BID: variants seen among roughly 807,000 people sequenced by gnomAD.
BID encodes BH3 interacting domain death agonist, also known as BH3-interacting domain death agonist.
In BID, 19 loss-of-function variants were observed where a neutral mutation model predicts 17.4. The observed-to-expected ratio is 1.09, with a 90% CI of 0.76 to 1.60. The LOEUF (loss-of-function observed/expected upper bound fraction) is 1.60, where lower values mean the gene tolerates loss of function less well. Among genes scored for constraint, BID ranks in the 40% most tolerant of loss-of-function variants. The pLI is 0.00. For synonymous variants in BID, 108 were observed against 102.8 expected, an observed-to-expected ratio of 1.05 and a Z score of -0.31; for missense variants, 226 against 256.0, an observed-to-expected ratio of 0.88 and a Z score of 0.80.
At position 17,741,977 on chromosome 22, in the gene BID, T is replaced by C. The variant is rs1426164075; in HGVS notation, c.223+1826A>G. 8.5e-5 allele frequency among the ~76,000 whole-genome samples: 13 copies of C among 152,280 alleles called. No homozygotes were observed. In the East Asian group the frequency reaches 2.5e-3, roughly 29 times the overall value. ...ACTCCCCCAGCACCGAATCTGTGCCTCGCTCGTTCCCGAAGCTTATCCACC... is the reference window on the plus strand; with the variant it reads ...ACTCCCCCAGCACCGAATCTGTGCCCCGCTCGTTCCCGAAGCTTATCCACC... On this transcript the variant is annotated intron_variant, in intron 3 of 5. Coordinates refer to ENST00000622694, the MANE Select transcript of BID (RefSeq NM_001196.4).
At chr22:17,765,595 T>C (rs1185338023) in intron 1 of BID, among the ~76,000 whole-genome samples, 1 of 152,188 alleles carries the variant, frequency 6.6e-6, no homozygotes, top group African/African-American at 2.4e-5. Context: ...GTAACAGTAA[T>C]ATTAGCTGAT....
rs192045024 is a variant in BID, at chr22:17,737,353, C to T, written c.576+664G>A. ...TGACTACTCGTTTTGGTTCACATTACACCTTTTTTTTGAGATGGAGTCTTG... is the reference window on the plus strand; with the variant it reads ...TGACTACTCGTTTTGGTTCACATTATACCTTTTTTTTGAGATGGAGTCTTG... On this transcript the variant is annotated intron_variant, in intron 5 of 5. Coordinates refer to ENST00000622694, the MANE Select transcript of BID (RefSeq NM_001196.4). 1.0e-3 allele frequency among the ~76,000 whole-genome samples: 158 copies of T among 152,144 alleles called. 1 individual carries two copies. The highest frequency in any genetic ancestry group is 3.4e-3 in the Middle Eastern group (1 of 294).
Position 17,750,163 on chromosome 22 carries a change from C to A in BID, c.-47G>T, listed in dbSNP as rs755248452. 9 of 1,612,918 alleles carry A rather than the reference C, an allele frequency of 5.6e-6. No individual in the cohort carries two copies. In the South Asian group the frequency reaches 9.9e-5, roughly 18 times the overall value. ...CCGACTCACTCCTGGTTCACAGTGT[C>A]CCAGTGGCGACCTGGAAAGGGACAC... On this transcript the variant is annotated 5_prime_UTR_variant, in exon 2 of 6. Coordinates refer to ENST00000622694, the MANE Select transcript of BID (RefSeq NM_001196.4).
At chr22:17,763,820 G>A (rs962753429) in intron 1 of BID, among the ~76,000 whole-genome samples, 7 of 150,724 alleles carry the variant, frequency 4.6e-5, no homozygotes, top group Admixed American at 1.3e-4. Flanking sequence ...TGTATCAGAT[G>A]TCAGTTATGG....
At chr22:17,750,238 G>A (rs2061527599) in intron 1 of BID, 64 bp from the exon 2 acceptor site, 11 of 1,393,304 alleles carry the variant, frequency 7.9e-6, no homozygotes, top group Non-Finnish European at 1.1e-5. Context: ...CCCCTCGGGA[G>A]GACGACGAAG....
chr22:17,740,200 G>C, intron 3 of BID: 1 of 1,603,676 alleles, frequency 6.2e-7, no homozygotes, highest in Non-Finnish European at 8.5e-7. Context: ...AGCTCCCTAA[G>C]GGCTGTGATT....
intron 1 of BID, among the ~76,000 whole-genome samples, chr22:17,756,313 G>A (rs1415163504): frequency 2.6e-5 from 4 of 152,208 alleles, no homozygotes; most frequent in Non-Finnish European, 4.4e-5. Context: ...ACAAACTGAC[G>A]CAAAACTGGG....
At position 17,773,782 on chromosome 22, in the gene BID, T is replaced by C; in HGVS notation, c.-59+599A>G. ...CTCTCCCAGGGTCCCCTGGGGTCAT[T>C]CAGCCACTCAACAGTTTCCCAGCAG... On this transcript the variant is annotated intron_variant, in intron 1 of 5. Coordinates refer to ENST00000622694, the MANE Select transcript of BID (RefSeq NM_001196.4). This position sits in a 1 kb window ranked among gnomAD's most constrained non-coding sequence, Gnocchi z 4.4. 8.4e-7 allele frequency: 1 copy of C among 1,191,222 alleles called. No individual in the cohort carries two copies. The highest frequency in any genetic ancestry group is 1.3e-5 in the South Asian group (1 of 77,580). 73.8% of individuals were successfully genotyped at this position (1,191,222 alleles called of 1,614,324 possible). A position where few individuals can be genotyped will look rare whatever the true frequency, so the allele number is the denominator to read the frequency against.
chr22:17,743,061 A>G (rs1417213088), intron 3 of BID, among the ~76,000 whole-genome samples: 1 of 152,272 alleles, frequency 6.6e-6, no homozygotes, highest in Non-Finnish European at 1.5e-5. Flanking sequence ...CCCAGTGGTA[A>G]CATGGCCACA....
chr22:17,745,555 C>T (rs943724484), intron 2 of BID, among the ~76,000 whole-genome samples: 4 of 151,872 alleles, frequency 2.6e-5, no homozygotes, highest in African/African-American at 7.3e-5. Context: ...GAGACTGAGG[C>T]GGGAAGGTCA....
chr22:17,766,235 T>C (rs1353428781), intron 1 of BID, among the ~76,000 whole-genome samples: 1 of 152,000 alleles, frequency 6.6e-6, no homozygotes, highest in African/African-American at 2.4e-5. Context: ...GAACTTAAGA[T>C]TCTTAAAATA....
In BID at chr22:17,766,282, C is replaced by CTT. The variant is rs71201884; in HGVS notation, c.-59+8097_-59+8098dup. ...TTCTGTAAGAAGAATTTCTTTCTTT[C>CTT]TTTTTTTTTTTTTTTTTGAGATGGA... On this transcript the variant is annotated intron_variant, in intron 1 of 5. Transcript: ENST00000622694. 9.9e-3 allele frequency among the ~76,000 whole-genome samples: 1,331 copies of CTT among 135,124 alleles called. 23 individuals carry two copies. The highest frequency in any genetic ancestry group is 0.034 in the African/African-American group (1,250 of 36,744). 88.6% of individuals were successfully genotyped at this position (135,124 alleles called of 152,430 possible). A position where few individuals can be genotyped will look rare whatever the true frequency, so the allele number is the denominator to read the frequency against.
intron 1 of BID, among the ~76,000 whole-genome samples, chr22:17,761,102 C>A (rs186638301): frequency 6.6e-6 from 1 of 152,198 alleles, no homozygotes; most frequent in African/African-American, 2.4e-5. Flanking sequence ...TTAAAACAAA[C>A]CTCATTATGT....
At chr22:17,737,537 G>T (rs1186102950) in intron 5 of BID, among the ~76,000 whole-genome samples, 1 of 152,128 alleles carries the variant, frequency 6.6e-6, no homozygotes, top group Non-Finnish European at 1.5e-5. Context: ...GTAGAGACGG[G>T]CTTTCACCCT....
chr22:17,754,070 A>C (rs9605391), intron 1 of BID, among the ~76,000 whole-genome samples: 3,947 of 63,414 alleles, frequency 0.062, 1 homozygote, highest in Middle Eastern at 0.14. Context: ...AGGACTCTGC[A>C]GGACAGGGGT....
chr22:17,771,794 A>G (rs1448845139), intron 1 of BID, among the ~76,000 whole-genome samples: 1 of 143,616 alleles, frequency 7.0e-6, no homozygotes, highest in Non-Finnish European at 1.5e-5. Context: ...ACCTGCCAGC[A>G]GTGGCTCTTG....
At chr22:17,740,565 G>A (rs915170191) in intron 3 of BID, 2 of 175,984 alleles carry the variant, frequency 1.1e-5, no homozygotes, top group African/African-American at 4.8e-5. Flanking sequence ...GAGTAGCTGG[G>A]ATTACAGGCG....
intron 5 of BID, among the ~76,000 whole-genome samples, chr22:17,736,815 T>G (rs8190349): frequency 0.016 from 2,488 of 152,160 alleles, 134 homozygotes; most frequent in Admixed American, 0.1. Context: ...GCTAATTTTT[T>G]TTTTTTTTGA....
intron 3 of BID, 160 bp from the exon 4 acceptor site, chr22:17,739,648 G>C: frequency 1.0e-6 from 1 of 980,030 alleles, no homozygotes; most frequent in East Asian, 2.7e-5. Context: ...CAGCGGGCGG[G>C]CTGAGTACCA....
Sources: gnomAD v4.1 joint callset for allele counts (sites outside exome capture counted in the v4.1 genomes callset) on GRCh38, gnomAD v4.1.1 for gene constraint, Gnocchi (gnomAD v3.1) non-coding constraint, MANE v1.5 for transcripts, NCBI Gene and HGNC (gene_info 2026-07-23, HGNC 2026-07-21) for gene names.